The following NME7 variants were observed in gnomAD, a reference collection of about 807,000 sequenced individuals.
NME7 encodes NME/NM23 family member 7, also known as nucleoside diphosphate kinase 7.
In NME7, 41 loss-of-function variants were observed where a neutral mutation model predicts 49.1. The ratio of observed to expected loss-of-function variants is 0.83; its 90% confidence interval spans 0.65 to 1.08. The LOEUF (loss-of-function observed/expected upper bound fraction) is 1.08, where lower values mean the gene tolerates loss of function less well. Ranked by LOEUF, NME7 falls within the 50% of genes least tolerant of loss-of-function variation. The pLI is 0.00. For synonymous variants in NME7, 139 were observed against 150.6 expected, an observed-to-expected ratio of 0.92 and a Z score of 0.56; for missense variants, 423 against 463.4, an observed-to-expected ratio of 0.91 and a Z score of 0.80.
rs1265912579 is a variant in NME7, at chr1:169,275,075, G to A, written c.754+12228C>T. On this transcript the variant is annotated intron_variant, in intron 7 of 11. Transcript: ENST00000367811. ...CCTTAGGCAGTATGGCCATTTTCACGATATTGATTCTTCCCACCCATGAGC... is the reference window on the plus strand; with the variant it reads ...CCTTAGGCAGTATGGCCATTTTCACAATATTGATTCTTCCCACCCATGAGC... Among the ~76,000 whole-genome samples, 6 of 132,560 alleles carry A rather than the reference G, an allele frequency of 4.5e-5. 2 individuals carry two copies. Among genetic ancestry groups the A allele is most frequent in the Admixed American group, 1.5e-4 (2 of 13,366 alleles). The allele number at this position is 132,560 out of a possible 152,430, so 87.0% of individuals were successfully genotyped here. A position where few individuals can be genotyped will look rare whatever the true frequency, so the allele number is the denominator to read the frequency against.
chr1:169,355,133 A>C (rs1382470187), intron 1 of NME7, among the ~76,000 whole-genome samples: 3 of 39,168 alleles, frequency 7.7e-5, no homozygotes, highest in Non-Finnish European at 1.3e-4. Context: ...TATATTATAG[A>C]TATAATATAT....
intron 1 of NME7, among the ~76,000 whole-genome samples, chr1:169,345,511 G>C (rs541897283): frequency 6.6e-5 from 10 of 152,164 alleles, no homozygotes; most frequent in Admixed American, 5.9e-4. Context: ...GATTACATGA[G>C]TGAACCATCA....
At chr1:169,229,628 T>G (rs1647508104) in intron 10 of NME7, among the ~76,000 whole-genome samples, 1 of 152,230 alleles carries the variant, frequency 6.6e-6, no homozygotes, top group Admixed American at 6.5e-5. Context: ...AGATGATTTC[T>G]TAATAGATGC....
chr1:169,140,770 T>C (rs2101808975), intron 11 of NME7, among the ~76,000 whole-genome samples: 1 of 151,526 alleles, frequency 6.6e-6, no homozygotes, highest in South Asian at 2.1e-4. Context: ...ATTGTAGATA[T>C]AAAGACCAGT....
intron 1 of NME7, among the ~76,000 whole-genome samples, chr1:169,329,696 A>G (rs1652187285): frequency 6.6e-6 from 1 of 152,136 alleles, no homozygotes; most frequent in South Asian, 2.1e-4. Flanking sequence ...GGATCTAGGA[A>G]ATAGGCTGGA....
chr1:169,249,396 T>A (rs1648463896), intron 7 of NME7, among the ~76,000 whole-genome samples: 1 of 151,914 alleles, frequency 6.6e-6, no homozygotes, highest in Admixed American at 6.6e-5. Context: ...GTATTTAGGG[T>A]TTTCTAGGTA....
At chr1:169,330,596 T>C (rs1652217981) in intron 1 of NME7, among the ~76,000 whole-genome samples, 2 of 152,102 alleles carry the variant, frequency 1.3e-5, no homozygotes, top group Admixed American at 1.3e-4. Flanking sequence ...GGAGAATTGC[T>C]TGAACCCGGG....
Position 169,132,745 on chromosome 1 carries a change from C to T in NME7, c.*40G>A, listed in dbSNP as rs992748190. ...TTCCTCGTGTGTGATTCACTCTTGTCTAAATGTCCCAACCTGTGACTTCTT... is the reference window on the plus strand; with the variant it reads ...TTCCTCGTGTGTGATTCACTCTTGTTTAAATGTCCCAACCTGTGACTTCTT... On this transcript the variant is annotated 3_prime_UTR_variant, in exon 12 of 12. Transcript: ENST00000367811. The T allele has an allele frequency of 6.3e-7, 1 of 1,594,568 alleles. No individual in the cohort carries two copies. Among genetic ancestry groups the T allele is most frequent in the Non-Finnish European group, 8.6e-7 (1 of 1,164,144 alleles).
intron 9 of NME7, among the ~76,000 whole-genome samples, chr1:169,232,524 A>T (rs544707263): frequency 1.1e-4 from 17 of 150,746 alleles, no homozygotes; most frequent in Non-Finnish European, 2.1e-4. Flanking sequence ...GCTAAAAACA[A>T]AAACAAAAAG....
intron 10 of NME7, among the ~76,000 whole-genome samples, chr1:169,176,057 T>C (rs1409059065): frequency 2.0e-5 from 3 of 152,176 alleles, no homozygotes; most frequent in African/African-American, 7.2e-5. Context: ...TTCAAAAATA[T>C]CTTACCAAAA....
intron 6 of NME7, among the ~76,000 whole-genome samples, chr1:169,292,200 G>A (rs1174696512): frequency 6.6e-6 from 1 of 152,096 alleles, no homozygotes; most frequent in Non-Finnish European, 1.5e-5. Context: ...GCATCATAGA[G>A]TTAAGTATAA....
chr1:169,174,276 T>C (rs1047236254), intron 10 of NME7, among the ~76,000 whole-genome samples: 2 of 152,226 alleles, frequency 1.3e-5, no homozygotes, highest in African/African-American at 4.8e-5. Flanking sequence ...AATGTCACTG[T>C]TTATTGAATA....
rs1211012613 is a variant in NME7, at chr1:169,258,399, TATATATACAC to T, written c.755-20722_755-20713del. ...ACATATATATATATATATATATATA[TATATATACAC>T]ACACACACACACACATACACACACA... On this transcript the variant is annotated intron_variant, in intron 7 of 11. Transcript: ENST00000367811. 2.5e-4 allele frequency among the ~76,000 whole-genome samples: 17 copies of T among 68,606 alleles called. 2 individuals carry two copies. Among genetic ancestry groups the T allele is most frequent in the Admixed American group, 8.0e-4 (5 of 6,258 alleles). 45.0% of individuals were successfully genotyped at this position (68,606 alleles called of 152,430 possible).
intron 11 of NME7, among the ~76,000 whole-genome samples, chr1:169,149,349 T>TA (rs146302326): frequency 0.061 from 9,308 of 151,780 alleles, 1,166 homozygotes; most frequent in East Asian, 0.6. Flanking sequence ...TCAAAAATAA[T>TA]AAAAAAATAA....
chr1:169,342,756 GTATA>G (rs1236083740), intron 1 of NME7, among the ~76,000 whole-genome samples: 13 of 31,952 alleles, frequency 4.1e-4, no homozygotes, highest in African/African-American at 1.9e-3. Flanking sequence ...CATATATATA[GTATA>G]TATATATACA....
intron 10 of NME7, among the ~76,000 whole-genome samples, chr1:169,225,671 G>A (rs1647300987): frequency 6.6e-6 from 1 of 152,098 alleles, no homozygotes; most frequent in Non-Finnish European, 1.5e-5. Context: ...AATAGAAATT[G>A]CAAGTCTAAT....
chr1:169,352,905 A>G (rs1046789263), intron 1 of NME7, among the ~76,000 whole-genome samples: 1 of 152,050 alleles, frequency 6.6e-6, no homozygotes, highest in African/African-American at 2.4e-5. Context: ...AAATTGAAAA[A>G]GCCACTAAAA....
chr1:169,302,165 T>C (rs528804002), intron 5 of NME7: 2 of 152,204 alleles, frequency 1.3e-5, no homozygotes, highest in East Asian at 3.9e-4. Flanking sequence ...AAATGCAAAT[T>C]AGTACCTCAA....
intron 1 of NME7, among the ~76,000 whole-genome samples, chr1:169,342,092 G>A (rs1652728256): frequency 1.3e-5 from 2 of 152,108 alleles, no homozygotes; most frequent in Admixed American, 6.6e-5. Context: ...GCCAGGGGTG[G>A]AATAATATGG....
Sources: gnomAD v4.1 joint callset for allele counts (sites outside exome capture counted in the v4.1 genomes callset) on GRCh38, gnomAD v4.1.1 for gene constraint, MANE v1.5 for transcripts, NCBI Gene and HGNC (gene_info 2026-07-23, HGNC 2026-07-21) for gene names.